NRG3: variants seen among roughly 807,000 people sequenced by gnomAD.
The protein encoded by NRG3 is pro-neuregulin-3, membrane-bound isoform.
Under a neutral mutation model 66.9 loss-of-function variants are expected in NRG3, and 31 were observed. The observed-to-expected ratio is 0.46, with a 90% CI of 0.35 to 0.63. The LOEUF is 0.63. Ranked by LOEUF, NRG3 falls within the 20% of genes least tolerant of loss-of-function variation. The probability of loss-of-function intolerance (pLI) is 0.00; values close to 1 mark genes in which losing one functional copy is unlikely to be tolerated. For synonymous variants in NRG3, 393 were observed against 359.4 expected, an observed-to-expected ratio of 1.09 and a Z score of -1.06; for missense variants, 910 against 878.9, an observed-to-expected ratio of 1.04 and a Z score of -0.45.
intron 2 of NRG3, among the ~76,000 whole-genome samples, chr10:82,389,208 G>A (rs1376917654): frequency 1.3e-5 from 2 of 152,170 alleles, no homozygotes; most frequent in South Asian, 2.1e-4. Context: ...GTGACAGAGC[G>A]AGAGAATGCA....
At position 82,358,978 on chromosome 10, in the gene NRG3, C is replaced by T. The variant is rs2083954372; in HGVS notation, c.953+110C>T. ...CATATCCGGGATACACACAGTCCCA[C>T]CGTTTGAATAGCAGAATTGCGAGTC... On this transcript the variant is annotated intron_variant, in intron 2 of 8. Transcript: ENST00000372141. 3.5e-6 allele frequency: 5 copies of T among 1,436,704 alleles called. No homozygotes were observed. In the East Asian group the frequency reaches 1.2e-4, roughly 34 times the overall value. The allele number at this position is 1,436,704 out of a possible 1,614,324, so 89.0% of individuals were successfully genotyped here.
intron 2 of NRG3, among the ~76,000 whole-genome samples, chr10:82,575,710 C>CA (rs1411395147): frequency 1.1e-4 from 16 of 151,666 alleles, no homozygotes; most frequent in African/African-American, 3.4e-4. Flanking sequence ...GGCCAAAAAT[C>CA]AAAGGGACAA....
intron 2 of NRG3, among the ~76,000 whole-genome samples, chr10:82,666,327 T>C (rs1161610875): frequency 6.6e-6 from 1 of 152,208 alleles, no homozygotes; most frequent in African/African-American, 2.4e-5. Context: ...GATATAGATG[T>C]TCATAACTCC....
chr10:82,446,767 A>G (rs533346235), intron 2 of NRG3, among the ~76,000 whole-genome samples: 1 of 152,332 alleles, frequency 6.6e-6, no homozygotes, highest in South Asian at 2.1e-4. Flanking sequence ...AAACCTGCAC[A>G]TCCTGCGCAA....
intron 2 of NRG3, among the ~76,000 whole-genome samples, chr10:82,494,107 G>T (rs1290031025): frequency 6.6e-6 from 1 of 152,136 alleles, no homozygotes; most frequent in Non-Finnish European, 1.5e-5. Flanking sequence ...TGGCAAAGTT[G>T]CAGAGAAATA....
At chr10:81,884,739 A>G (rs1274221841) in intron 1 of NRG3, among the ~76,000 whole-genome samples, 2 of 152,172 alleles carry the variant, frequency 1.3e-5, no homozygotes, top group African/African-American at 4.8e-5. Context: ...CCTGGGGGAG[A>G]GGAATCCTGG....
chr10:82,647,074 T>C (rs1185269939), intron 2 of NRG3, among the ~76,000 whole-genome samples: 1 of 152,026 alleles, frequency 6.6e-6, no homozygotes, highest in Non-Finnish European at 1.5e-5. Context: ...TACATATGTA[T>C]ACATGTGCCA....
intron 2 of NRG3, among the ~76,000 whole-genome samples, chr10:82,540,424 G>T (rs1035925017): frequency 6.6e-6 from 1 of 151,966 alleles, no homozygotes; most frequent in Non-Finnish European, 1.5e-5. Flanking sequence ...AAGATGTTTT[G>T]GGGGGTCAGA....
intron 1 of NRG3, among the ~76,000 whole-genome samples, chr10:82,010,921 G>A (rs943090294): frequency 5.3e-5 from 8 of 152,148 alleles, no homozygotes; most frequent in Non-Finnish European, 1.2e-4. Flanking sequence ...CACATGAGAC[G>A]CTTCTTAAGA....
At chr10:82,900,243 C>T (rs934983291) in intron 4 of NRG3, among the ~76,000 whole-genome samples, 2 of 152,262 alleles carry the variant, frequency 1.3e-5, no homozygotes, top group African/African-American at 4.8e-5. Context: ...CCAAGCCCCA[C>T]CTTCAAAATT....
At chr10:82,962,773 A>T (rs1409304802) in intron 6 of NRG3, among the ~76,000 whole-genome samples, 2 of 152,128 alleles carry the variant, frequency 1.3e-5, no homozygotes, top group Admixed American at 1.3e-4. Flanking sequence ...CGGGAGGCAG[A>T]GGTTGCAGTG....
chr10:82,441,088 C>T (rs1446992707), intron 2 of NRG3, among the ~76,000 whole-genome samples: 1 of 152,210 alleles, frequency 6.6e-6, no homozygotes, highest in Non-Finnish European at 1.5e-5. Context: ...GTTAATCCTT[C>T]TTTCTTAGCT....
At chr10:82,774,560 A>G (rs1413705890) in intron 3 of NRG3, among the ~76,000 whole-genome samples, 3 of 151,982 alleles carry the variant, frequency 2.0e-5, no homozygotes, top group African/African-American at 7.2e-5. Context: ...TTAACATATA[A>G]TTGTTCACAA....
Position 82,022,512 on chromosome 10 carries a change from G to C in NRG3, c.823+146349G>C, listed in dbSNP as rs571538335. Among the ~76,000 whole-genome samples the C allele has an allele frequency of 2.0e-5, 3 of 152,210 alleles. No individual in the cohort carries two copies. The South Asian group carries it at 6.2e-4, about 32-fold the overall frequency. The stretch of plus-strand genomic sequence containing the variant: ...ATTTACTATTGGCCAAAGCAAGAAA[G>C]GCTTTGCCTACTCCATGCTATAGCT... On this transcript the variant is annotated intron_variant, in intron 1 of 8. Transcript: ENST00000372141.
At chr10:81,903,992 AT>A (rs1844334096) in intron 1 of NRG3, among the ~76,000 whole-genome samples, 1 of 100,246 alleles carries the variant, frequency 1.0e-5, no homozygotes, top group African/African-American at 4.3e-5. Flanking sequence ...ATATATATAT[AT>A]ATATTTTTTT....
At chr10:82,502,448 T>C (rs1239806307) in intron 2 of NRG3, among the ~76,000 whole-genome samples, 2 of 152,230 alleles carry the variant, frequency 1.3e-5, no homozygotes, top group Admixed American at 6.5e-5. Flanking sequence ...AGTACTTTCC[T>C]TCTTCTCATA....
In NRG3 at chr10:81,875,252, AGCCCGCGCCCGC is replaced by A. The variant is rs898813138; in HGVS notation, c.-77_-66del. 3.5e-5 allele frequency: 28 copies of A among 798,872 alleles called. No individual in the cohort carries two copies. The highest frequency in any genetic ancestry group is 1.4e-4 in the East Asian group (1 of 7,222). 49.5% of individuals were successfully genotyped at this position (798,872 alleles called of 1,614,324 possible). On this transcript the variant is annotated 5_prime_UTR_variant, in exon 1 of 9. Transcript: ENST00000372141. The surrounding 1 kb of genome is among the most constrained non-coding windows in gnomAD (Gnocchi z 5.3). ...CGCCCGAGCCCGCCGCCGCCGCCGG[AGCCCGCGCCCGC>A]GCCCGCGCCCGGCCCGCGCGGCCCC...
intron 1 of NRG3, among the ~76,000 whole-genome samples, chr10:82,269,636 T>C (rs2078489380): frequency 6.6e-6 from 1 of 152,118 alleles, no homozygotes. Context: ...TCATCATCTA[T>C]GCACTAGATA....
At chr10:81,935,809 G>T (rs1383836957) in intron 1 of NRG3, among the ~76,000 whole-genome samples, 2 of 149,392 alleles carry the variant, frequency 1.3e-5, no homozygotes, top group Non-Finnish European at 3.0e-5. Context: ...GTTCCTCCTT[G>T]GAGTCACTTT....
Sources: gnomAD v4.1 joint callset for allele counts (sites outside exome capture counted in the v4.1 genomes callset) on GRCh38, gnomAD v4.1.1 for gene constraint, Gnocchi (gnomAD v3.1) non-coding constraint, MANE v1.5 for transcripts, NCBI Gene and HGNC (gene_info 2026-07-23, HGNC 2026-07-21) for gene names.